Variants in NRDE2 observed in about 807,000 individuals in gnomAD.
The protein encoded by NRDE2 is NRDE-2, necessary for RNA interference, domain containing, also known as nuclear exosome regulator NRDE2.
In NRDE2, 76 loss-of-function variants were observed where a neutral mutation model predicts 124.2. That is an observed-to-expected ratio of 0.61 (90% CI 0.51 to 0.74). The LOEUF (loss-of-function observed/expected upper bound fraction) is 0.74, where lower values mean the gene tolerates loss of function less well. NRDE2 is among the 30% of genes least tolerant of loss of function. The probability of loss-of-function intolerance (pLI) is 0.00; values close to 1 mark genes in which losing one functional copy is unlikely to be tolerated. For synonymous variants in NRDE2, 489 were observed against 528.1 expected (o/e 0.93, Z 1.01); for missense variants, 1,314 against 1,417.3 (o/e 0.93, Z 1.17).
intron 11 of NRDE2, among the ~76,000 whole-genome samples, 194 bp downstream of exon 11, chr14:90,288,023 T>C (rs916615948): frequency 2.0e-5 from 3 of 152,176 alleles, no homozygotes; most frequent in Admixed American, 2.0e-4. Context: ...ACCCCCCTCC[T>C]GAGAGGCGCC....
At chr14:90,330,554 G>A (rs1885648803) in intron 1 of NRDE2, among the ~76,000 whole-genome samples, 1 of 152,142 alleles carries the variant, frequency 6.6e-6, no homozygotes, top group Non-Finnish European at 1.5e-5. Context: ...GCTCATGCCT[G>A]TAATCCTAGA....
chr14:90,302,880 A>C lies in NRDE2; in HGVS notation c.1251T>G (p.Leu417=). The C allele has an allele frequency of 6.2e-7, 1 of 1,614,134 alleles. No individual in the cohort carries two copies. Among genetic ancestry groups the C allele is most frequent in the Admixed American group, 1.7e-5 (1 of 60,018 alleles). The change falls in exon 6 of 14, where the codon CTT becomes CTG. Residue 417 remains leucine, a synonymous_variant. Transcript: ENST00000354366. ...GGCAAAATAAAAGGTATTTCTGCCAAAGGGCTGTATTATTGGGATGCAAAA... is the reference window on the plus strand; with the variant it reads ...GGCAAAATAAAAGGTATTTCTGCCACAGGGCTGTATTATTGGGATGCAAAA... ...LIFLHPNNTA[L]WQKYLLFCQS...
chr14:90,294,856 T>C (rs1320735213), intron 8 of NRDE2, among the ~76,000 whole-genome samples: 3 of 152,228 alleles, frequency 2.0e-5, no homozygotes, highest in African/African-American at 7.2e-5. Flanking sequence ...ATTTTGTTAA[T>C]GTTATATACC....
At position 90,276,942 on chromosome 14, in the gene NRDE2, C is replaced by CT. The variant is rs1335100169; in HGVS notation, c.*1393dup. 6 of 152,260 alleles carry CT rather than the reference C, an allele frequency of 3.9e-5. No individual in the cohort carries two copies. Among genetic ancestry groups the CT allele is most frequent in the African/African-American group, 1.4e-4 (6 of 41,444 alleles). 9.4% of individuals were successfully genotyped at this position (152,260 alleles called of 1,614,324 possible). ...GAGGACAAGGGTGGAGAAGGTCCCTCTTTGTGGGCAGCCAGGAACTCATGA... is the reference window on the plus strand; with the variant it reads ...GAGGACAAGGGTGGAGAAGGTCCCTCTTTTGTGGGCAGCCAGGAACTCATGA... On this transcript the variant is annotated 3_prime_UTR_variant, in exon 14 of 14. Coordinates refer to ENST00000354366, the MANE Select transcript of NRDE2 (RefSeq NM_017970.4).
intron 4 of NRDE2, among the ~76,000 whole-genome samples, chr14:90,311,197 T>C (rs1270622049): frequency 2.0e-5 from 3 of 152,246 alleles, no homozygotes; most frequent in African/African-American, 4.8e-5. Context: ...TATTCTAAGA[T>C]TGATGATTCT....
rs559272604 is a variant in NRDE2 at position 90,292,344 on chromosome 14, T to C, written c.1842+353A>G. Among the ~76,000 whole-genome samples, 36 of 152,280 alleles carry C rather than the reference T, an allele frequency of 2.4e-4. No homozygotes were observed. The South Asian group carries it at 2.7e-3, about 11-fold the overall frequency. On this transcript the variant is annotated intron_variant, in intron 9 of 13. Coordinates refer to ENST00000354366, the MANE Select transcript of NRDE2 (RefSeq NM_017970.4). The stretch of plus-strand genomic sequence containing the variant: ...ATCTAGGACAGTGATTCCGAGTTTT[T>C]TGAATAATCTGTATGTATCCCACAG...
At position 90,289,041 on chromosome 14, in the gene NRDE2, G is replaced by A. The variant is rs1004167686; in HGVS notation, c.2334C>T (p.Asn778=). ...CATACTGCTTCCACAGGCAAAAGTT[G>A]TTGCAGTTTTCTGGCTCCTTAAGGA... ...KNLLKEPENC[N]NFCLWKQYAH... The change falls in exon 11 of 14, where the codon AAC becomes AAT. Residue 778 remains asparagine (N), a synonymous_variant. Transcript: ENST00000354366. 9 of 1,614,168 alleles carry A rather than the reference G, an allele frequency of 5.6e-6. No homozygotes were observed. The highest frequency in any genetic ancestry group is 2.2e-5 in the East Asian group (1 of 44,892).
At chr14:90,318,261 T>G (rs1193609052) in intron 1 of NRDE2, 148 bp from the exon 2 acceptor site, 1 of 595,290 alleles carries the variant, frequency 1.7e-6, no homozygotes, top group Admixed American at 3.3e-5. Context: ...CCACAGAAGC[T>G]GAACAGAATC....
chr14:90,301,157 ACCT>A, intron 7 of NRDE2, 79 bp downstream of exon 7: 1 of 1,393,548 alleles, frequency 7.2e-7, no homozygotes, highest in African/African-American at 1.4e-5. Flanking sequence ...TATCCACACC[ACCT>A]CTCATTATCC....
At chr14:90,296,711 G>A (rs557734741) in intron 8 of NRDE2, among the ~76,000 whole-genome samples, 6 of 152,296 alleles carry the variant, frequency 3.9e-5, no homozygotes, top group South Asian at 2.1e-4. Flanking sequence ...AACTTTCAAC[G>A]AAATCATCAT....
At chr14:90,316,477 G>T in intron 3 of NRDE2, 101 bp downstream of exon 3, 2 of 807,926 alleles carry the variant, frequency 2.5e-6, no homozygotes, top group South Asian at 1.7e-5. Context: ...TCTTCCGACT[G>T]AGTGACTAAA....
At chr14:90,331,749 TACACAA>T in intron 1 of NRDE2, 86 bp downstream of exon 1, 6 of 1,366,492 alleles carry the variant, frequency 4.4e-6, no homozygotes, top group Non-Finnish European at 6.3e-6. Flanking sequence ...TACAAATGGA[TACACAA>T]ATCCAAAGCA....
rs1891707071 is a variant in NRDE2 at position 90,272,933 on chromosome 14, G to C, written c.*5403C>G. The C allele has an allele frequency of 6.6e-6, 1 of 152,320 alleles. No individual in the cohort carries two copies. Among genetic ancestry groups the C allele is most frequent in the Non-Finnish European group, 1.5e-5 (1 of 68,126 alleles). 9.4% of individuals were successfully genotyped at this position (152,320 alleles called of 1,614,324 possible). A position where few individuals can be genotyped will look rare whatever the true frequency, so the allele number is the denominator to read the frequency against. ...GTTTTGTGGACCATGCATGTTCTTA[G>C]CACTCTGAGGGCAGAAAATAACTAC... On this transcript the variant is annotated 3_prime_UTR_variant, in exon 14 of 14. Coordinates refer to ENST00000354366, the MANE Select transcript of NRDE2 (RefSeq NM_017970.4). The surrounding 1 kb of genome is among the most constrained non-coding windows in gnomAD (Gnocchi z 4.5).
At chr14:90,329,412 G>T (rs1885578619) in intron 1 of NRDE2, among the ~76,000 whole-genome samples, 1 of 152,120 alleles carries the variant, frequency 6.6e-6, no homozygotes, top group South Asian at 2.1e-4. Context: ...CCAAAACTTA[G>T]CTCCTGGCTA....
rs546899533 is a variant in NRDE2 at position 90,320,109 on chromosome 14, CAGATCTTCTTTGCAGAA to C, written c.65-2013_65-1997del. Among the ~76,000 whole-genome samples the C allele has an allele frequency of 5.2e-4, 79 of 152,314 alleles. 1 individual carries two copies. The South Asian group carries it at 0.016, about 30-fold the overall frequency. ...TTTTCATGTGTTTATTAGCCATTCA[CAGATCTTCTTTGCAGAA>C]GTTCTTTATTCTGGGTACTAGCTCC... On this transcript the variant is annotated intron_variant, in intron 1 of 13. Coordinates refer to ENST00000354366, the MANE Select transcript of NRDE2 (RefSeq NM_017970.4).
At chr14:90,328,497 G>A (rs570696491) in intron 1 of NRDE2, among the ~76,000 whole-genome samples, 1 of 152,082 alleles carries the variant, frequency 6.6e-6, no homozygotes, top group South Asian at 2.1e-4. Flanking sequence ...ATCATAAATG[G>A]CTGCAAAAAT....
intron 8 of NRDE2, among the ~76,000 whole-genome samples, chr14:90,293,126 C>T (rs75816060): frequency 0.15 from 23,533 of 152,200 alleles, 2,184 homozygotes; most frequent in South Asian, 0.21. Context: ...ATGACACATA[C>T]TCTAGAACAG....
intron 5 of NRDE2, among the ~76,000 whole-genome samples, 161 bp downstream of exon 5, chr14:90,303,774 T>C (rs112709050): frequency 1.2e-4 from 18 of 152,354 alleles, no homozygotes; most frequent in African/African-American, 4.3e-4. Context: ...TTTTCCTCAT[T>C]GGACTTTGAG....
intron 7 of NRDE2, among the ~76,000 whole-genome samples, chr14:90,300,559 T>C (rs1244327945): frequency 6.6e-6 from 1 of 151,910 alleles, no homozygotes; most frequent in Non-Finnish European, 1.5e-5. Flanking sequence ...CATAGCTCTA[T>C]AAAAATTCTT....
Sources: allele counts gnomAD v4.1 joint callset (sites outside exome capture counted in the v4.1 genomes callset), GRCh38; gene constraint gnomAD v4.1.1; non-coding constraint Gnocchi (gnomAD v3.1); transcripts MANE v1.5; gene names NCBI Gene and HGNC (gene_info 2026-07-23, HGNC 2026-07-21).